Variants in MAGI2 observed in about 807,000 individuals in gnomAD.
MAGI2 encodes membrane associated guanylate kinase, WW and PDZ domain containing 2.
A neutral mutation model predicts 133.3 loss-of-function variants in MAGI2; 35 were observed. The observed-to-expected ratio is 0.26, with a 90% CI of 0.20 to 0.35. The LOEUF (loss-of-function observed/expected upper bound fraction) is 0.35. MAGI2 is among the 10% of genes least tolerant of loss of function. The pLI is 1.00. For missense variants in MAGI2, 1,636 were observed against 1,863.4 expected, an observed-to-expected ratio of 0.88 and a Z score of 2.25; for synonymous variants, 729 against 710.6, an observed-to-expected ratio of 1.03 and a Z score of -0.41.
At chr7:79,057,226 G>A (rs1196906937) in intron 1 of MAGI2, among the ~76,000 whole-genome samples, 3 of 152,126 alleles carry the variant, frequency 2.0e-5, no homozygotes, top group African/African-American at 7.2e-5. Context: ...GAGATGACAT[G>A]GCTCAACCTT....
intron 2 of MAGI2, among the ~76,000 whole-genome samples, chr7:78,769,970 C>A (rs1178392477): frequency 6.6e-6 from 1 of 152,120 alleles, no homozygotes; most frequent in African/African-American, 2.4e-5. Context: ...GCATCTCTTC[C>A]TACTCCCCAC....
chr7:78,108,169 G>A (rs1818889931), intron 20 of MAGI2, among the ~76,000 whole-genome samples: 1 of 151,906 alleles, frequency 6.6e-6, no homozygotes, highest in Non-Finnish European at 1.5e-5. Context: ...TTAGAATACT[G>A]TGTTTCCATT....
intron 2 of MAGI2, among the ~76,000 whole-genome samples, chr7:78,851,953 T>C (rs1284278978): frequency 6.6e-6 from 1 of 152,152 alleles, no homozygotes; most frequent in Non-Finnish European, 1.5e-5. Flanking sequence ...GTATTTTACC[T>C]AAAAATAAGA....
chr7:79,433,246 A>G (rs1847899555), intron 1 of MAGI2, among the ~76,000 whole-genome samples: 1 of 152,050 alleles, frequency 6.6e-6, no homozygotes, highest in Non-Finnish European at 1.5e-5. Flanking sequence ...AGGCAGGAGT[A>G]GGTGAGAGAA....
intron 3 of MAGI2, among the ~76,000 whole-genome samples, chr7:78,563,621 A>G (rs1800635395): frequency 6.6e-6 from 1 of 152,238 alleles, no homozygotes; most frequent in Admixed American, 6.5e-5. Context: ...CCCCTGGCAG[A>G]TGACTTTTCT....
chr7:79,094,167 CA>C (rs1327971995), intron 1 of MAGI2, among the ~76,000 whole-genome samples: 2 of 152,198 alleles, frequency 1.3e-5, no homozygotes, highest in African/African-American at 4.8e-5. Flanking sequence ...GCTGCTTTAT[CA>C]ACTAAGTTTT....
intron 2 of MAGI2, among the ~76,000 whole-genome samples, chr7:78,733,195 C>A (rs1324424281): frequency 1.3e-5 from 2 of 152,200 alleles, no homozygotes; most frequent in Non-Finnish European, 2.9e-5. Context: ...CAGATTTCTT[C>A]TCACAGGCAA....
At chr7:78,687,127 G>C (rs1162886422) in intron 2 of MAGI2, among the ~76,000 whole-genome samples, 1 of 152,130 alleles carries the variant, frequency 6.6e-6, no homozygotes, top group Non-Finnish European at 1.5e-5. Context: ...AATTGGCATT[G>C]AACACATACC....
At chr7:79,067,140 T>C (rs1259272114) in intron 1 of MAGI2, among the ~76,000 whole-genome samples, 1 of 152,232 alleles carries the variant, frequency 6.6e-6, no homozygotes, top group Non-Finnish European at 1.5e-5. Context: ...TCCAATTCTG[T>C]GAAGCAAGTC....
intron 2 of MAGI2, among the ~76,000 whole-genome samples, chr7:78,814,491 C>T (rs1789383409): frequency 6.6e-6 from 1 of 152,252 alleles, no homozygotes; most frequent in Admixed American, 6.5e-5. Flanking sequence ...ATACTAATGC[C>T]TCAACTTGTC....
At chr7:78,505,510 C>A (rs537079402) in intron 4 of MAGI2, among the ~76,000 whole-genome samples, 1 of 152,278 alleles carries the variant, frequency 6.6e-6, no homozygotes, top group South Asian at 2.1e-4. Flanking sequence ...TGTAATTATA[C>A]ATACTGTGGT....
rs145880928 is a variant in MAGI2, at chr7:78,419,112, T to G, written c.1046-49899A>C. Among the ~76,000 whole-genome samples the G allele has an allele frequency of 3.0e-3, 456 of 152,258 alleles. 7 individuals are homozygous for G. The East Asian group carries it at 0.037, about 12-fold the overall frequency. On this transcript the variant is annotated intron_variant, in intron 6 of 21. Coordinates refer to ENST00000354212, the MANE Select transcript of MAGI2 (RefSeq NM_012301.4). ...ACTGCATATGCAATGTTTCCAGGTA[T>G]GTTTCTGCATTTTAAAAAATCCAAG... is the stretch of plus-strand genomic sequence containing the variant.
intron 1 of MAGI2, among the ~76,000 whole-genome samples, chr7:79,016,026 C>T (rs1245771904): frequency 2.1e-5 from 3 of 140,738 alleles, no homozygotes; most frequent in African/African-American, 8.1e-5. Context: ...GTTGAGCAGG[C>T]AAGGAGCAAC....
chr7:79,379,842 T>C (rs892579878), intron 1 of MAGI2, among the ~76,000 whole-genome samples: 1 of 151,142 alleles, frequency 6.6e-6, no homozygotes, highest in African/African-American at 2.4e-5. Flanking sequence ...TTTTTTTTTT[T>C]ACCCACTTGT....
At chr7:78,637,815 A>G (rs950055380) in intron 2 of MAGI2, among the ~76,000 whole-genome samples, 1 of 152,174 alleles carries the variant, frequency 6.6e-6, no homozygotes, top group Non-Finnish European at 1.5e-5. Flanking sequence ...TAAAACTTGA[A>G]CTCAGCCAGG....
At chr7:78,405,736 A>G (rs1397097828) in intron 6 of MAGI2, among the ~76,000 whole-genome samples, 2 of 152,080 alleles carry the variant, frequency 1.3e-5, no homozygotes, top group Non-Finnish European at 2.9e-5. Flanking sequence ...TCACAAACTC[A>G]TATTTTTACA....
chr7:78,786,613 G>T (rs986914621), intron 2 of MAGI2, among the ~76,000 whole-genome samples: 2 of 152,080 alleles, frequency 1.3e-5, no homozygotes, highest in African/African-American at 4.8e-5. Context: ...TGTGTTTGAC[G>T]GCCCTCTGCC....
At chr7:79,356,481 A>G (rs1393904653) in intron 1 of MAGI2, among the ~76,000 whole-genome samples, 1 of 152,196 alleles carries the variant, frequency 6.6e-6, no homozygotes, top group Admixed American at 6.5e-5. Flanking sequence ...AAAAGCAAAA[A>G]AAGTTTCCAA....
intron 12 of MAGI2, among the ~76,000 whole-genome samples, chr7:78,190,312 C>T (rs1234212416): frequency 6.6e-6 from 1 of 152,094 alleles, no homozygotes; most frequent in Non-Finnish European, 1.5e-5. Flanking sequence ...TATAGGCAAA[C>T]ATTGTATCAG....
Sources: gnomAD v4.1 joint callset for allele counts (sites outside exome capture counted in the v4.1 genomes callset) on GRCh38, gnomAD v4.1.1 for gene constraint, MANE v1.5 for transcripts, NCBI Gene and HGNC (gene_info 2026-07-23, HGNC 2026-07-21) for gene names.